The following NOL10 variants were observed in gnomAD, a reference collection of about 807,000 sequenced individuals.
NOL10 encodes H_NH0074G24.1.
A neutral mutation model predicts 103.5 loss-of-function variants in NOL10; 58 were observed. That is an observed-to-expected ratio of 0.56 (90% CI 0.45 to 0.70). NOL10 has a LOEUF of 0.70. Ranked by LOEUF, NOL10 falls within the 30% of genes least tolerant of loss-of-function variation. The pLI, the probability that NOL10 is intolerant of heterozygous loss-of-function variation, is 0.00. For missense variants in NOL10, 763 were observed against 807.3 expected (o/e 0.95, Z 0.67); for synonymous variants, 287 against 282.5 (o/e 1.02, Z -0.16).
chr2:10,581,159 A>G (rs976892953), intron 19 of NOL10, among the ~76,000 whole-genome samples: 1 of 152,204 alleles, frequency 6.6e-6, no homozygotes, highest in Admixed American at 6.5e-5. Context: ...ATCTATAGGC[A>G]TAACGAAGAT....
intron 1 of NOL10, among the ~76,000 whole-genome samples, chr2:10,685,094 G>GTATA (rs1396075789): frequency 2.0e-5 from 3 of 152,116 alleles, no homozygotes; most frequent in Admixed American, 6.5e-5. Context: ...AAATATTATG[G>GTATA]GTTATAACTA....
rs980742081 is a variant in NOL10 at position 10,630,740 on chromosome 2, C to T, written c.1026+13580G>A. Among the ~76,000 whole-genome samples the T allele has an allele frequency of 1.2e-4, 18 of 151,942 alleles. 1 individual carries two copies. Among genetic ancestry groups the T allele is most frequent in the African/African-American group, 4.1e-4 (17 of 41,380 alleles). ...AGGAAAAACAAAACAAAAAAAAACC[C>T]AAAAACTTGCTTCCTCAGCTACAAA... is the stretch of plus-strand genomic sequence containing the variant. On this transcript the variant is annotated intron_variant, in intron 13 of 20. Transcript: ENST00000381685.
intron 13 of NOL10, among the ~76,000 whole-genome samples, chr2:10,612,324 T>C (rs186760768): frequency 1.9e-3 from 282 of 152,242 alleles, no homozygotes; most frequent in African/African-American, 6.3e-3. Flanking sequence ...ATTAATATTA[T>C]AGACAAAGAA....
chr2:10,608,158 T>G (rs1027441407), intron 13 of NOL10, among the ~76,000 whole-genome samples: 1 of 152,192 alleles, frequency 6.6e-6, no homozygotes, highest in African/African-American at 2.4e-5. Flanking sequence ...CAAATACATG[T>G]AATTTTTACT....
intron 19 of NOL10, among the ~76,000 whole-genome samples, chr2:10,580,082 G>A (rs1674667559): frequency 6.6e-6 from 1 of 152,194 alleles, no homozygotes; most frequent in African/African-American, 2.4e-5. Context: ...CGTGTGTGGA[G>A]GTTTCTACAT....
At chr2:10,605,897 G>T (rs906274424) in intron 14 of NOL10, among the ~76,000 whole-genome samples, 1 of 152,180 alleles carries the variant, frequency 6.6e-6, no homozygotes, top group African/African-American at 2.4e-5. Context: ...GGGTTAAAAA[G>T]GAAGTTTAAT....
chr2:10,682,517 A>G (rs1681848678), intron 2 of NOL10, among the ~76,000 whole-genome samples: 1 of 150,290 alleles, frequency 6.7e-6, no homozygotes, highest in Non-Finnish European at 1.5e-5. Flanking sequence ...CTCACACCTC[A>G]GCCCCCCCAA....
At chr2:10,641,174 CAA>C (rs35267200) in intron 13 of NOL10, among the ~76,000 whole-genome samples, 8,396 of 99,358 alleles carry the variant, frequency 0.085, 393 homozygotes, top group Admixed American at 0.19. Context: ...TACAAAAATA[CAA>C]AAAAAAAAAA....
Position 10,637,077 on chromosome 2 carries a change from C to T in NOL10, c.1026+7243G>A, listed in dbSNP as rs559563413. ...ATTAGTCAGGTGTGGTGGTGCGTAC[C>T]TGCAATCCCAGCTACTTGAGAGGCT... On this transcript the variant is annotated intron_variant, in intron 13 of 20. Transcript: ENST00000381685. 1.2e-4 allele frequency among the ~76,000 whole-genome samples: 18 copies of T among 150,664 alleles called. No individual in the cohort carries two copies. In the South Asian group the frequency reaches 1.7e-3, roughly 14 times the overall value.
At chr2:10,673,412 C>T in intron 5 of NOL10, 108 bp downstream of exon 5, 1 of 627,950 alleles carries the variant, frequency 1.6e-6, no homozygotes, top group Non-Finnish European at 2.5e-6. Flanking sequence ...ACTACACAGC[C>T]ATTTTAGTTT....
intron 1 of NOL10, among the ~76,000 whole-genome samples, chr2:10,685,139 A>C (rs1682063345): frequency 1.3e-5 from 2 of 152,248 alleles, no homozygotes; most frequent in Non-Finnish European, 2.9e-5. Context: ...TTAAGTGAGA[A>C]TTTAAAAAGT....
chr2:10,650,314 C>T (rs1193972057), intron 12 of NOL10, among the ~76,000 whole-genome samples: 1 of 151,980 alleles, frequency 6.6e-6, no homozygotes, highest in Non-Finnish European at 1.5e-5. Context: ...GCGCACAGTG[C>T]CACTGCTTCC....
chr2:10,572,118 C>T lies in NOL10; in HGVS notation c.2020G>A (p.Ala674Thr), dbSNP rs1558260002. The change falls in exon 21 of 21, where the codon GCC becomes ACC. Residue 674 changes from alanine (A) to threonine (T), a missense_variant. Transcript: ENST00000381685. ...TTGTGTCTTGACTTCAGGTGTCCGG[C>T]CGAACGACGGAGTCTTTTCCTTTCT... ...RQERKRLRRS[A>T]GHLKSRHKRG... The T allele has an allele frequency of 6.2e-7, 1 of 1,613,992 alleles. No homozygotes were observed. Among genetic ancestry groups the T allele is most frequent in the Non-Finnish European group, 8.5e-7 (1 of 1,179,894 alleles).
chr2:10,608,157 G>A (rs6719701), intron 13 of NOL10, among the ~76,000 whole-genome samples: 89,961 of 151,978 alleles, frequency 0.59, 27,627 homozygotes, highest in African/African-American at 0.74. Flanking sequence ...ACAAATACAT[G>A]TAATTTTTAC....
At chr2:10,647,132 A>G (rs1383167135) in intron 12 of NOL10, among the ~76,000 whole-genome samples, 9 of 152,250 alleles carry the variant, frequency 5.9e-5, no homozygotes, top group Admixed American at 2.0e-4. Flanking sequence ...AAAAGATATC[A>G]GCACCTGGAG....
rs1157148097 is a variant in NOL10, at chr2:10,689,893, C to G, written c.-32G>C. Reference sequence around the variant, plus strand: ...GCACAACACTGTTCAAGTCCCGGGTCCTTTCCCACCAGCGTGCTCGAGCAC... The same window carrying G: ...GCACAACACTGTTCAAGTCCCGGGTGCTTTCCCACCAGCGTGCTCGAGCAC... On this transcript the variant is annotated 5_prime_UTR_variant, in exon 1 of 21. Transcript: ENST00000381685. 1 of 1,583,786 alleles carries G rather than the reference C, an allele frequency of 6.3e-7. No homozygotes were observed. The highest frequency in any genetic ancestry group is 1.3e-5 in the African/African-American group (1 of 74,270).
chr2:10,620,396 C>T (rs1677073523), intron 13 of NOL10, among the ~76,000 whole-genome samples: 1 of 152,150 alleles, frequency 6.6e-6, no homozygotes, highest in South Asian at 2.1e-4. Flanking sequence ...TATACCTTAA[C>T]AGTGCTATTC....
intron 13 of NOL10, among the ~76,000 whole-genome samples, chr2:10,637,328 T>G (rs1026011032): frequency 2.6e-5 from 4 of 151,998 alleles, no homozygotes; most frequent in Admixed American, 2.0e-4. Flanking sequence ...ACTGCAAATA[T>G]TCATACATTT....
intron 13 of NOL10, among the ~76,000 whole-genome samples, chr2:10,633,130 T>A (rs964079209): frequency 6.6e-6 from 1 of 152,184 alleles, no homozygotes; most frequent in African/African-American, 2.4e-5. Flanking sequence ...TGTAACATAC[T>A]TGGGCTCCTG....
Sources: allele counts gnomAD v4.1 joint callset (sites outside exome capture counted in the v4.1 genomes callset), GRCh38; gene constraint gnomAD v4.1.1; transcripts MANE v1.5; gene names NCBI Gene and HGNC (gene_info 2026-07-23, HGNC 2026-07-21).